The following SLC4A7 variants were observed in gnomAD, a reference collection of about 807,000 sequenced individuals.
The protein encoded by SLC4A7 is solute carrier family 4 member 7, also known as sodium bicarbonate cotransporter 3.
Under a neutral mutation model 137.6 loss-of-function variants are expected in SLC4A7, and 51 were observed. The ratio of observed to expected loss-of-function variants is 0.37; its 90% CI spans 0.30 to 0.47. The LOEUF (loss-of-function observed/expected upper bound fraction) is 0.47, where lower values mean the gene tolerates loss of function less well. SLC4A7 is among the 20% of genes least tolerant of loss of function. The probability of loss-of-function intolerance (pLI) is 1.00; values close to 1 mark genes in which losing one functional copy is unlikely to be tolerated. For synonymous variants in SLC4A7, 542 were observed against 518.6 expected, an observed-to-expected ratio of 1.05 and a Z score of -0.61; for missense variants, 1,247 against 1,525.4, an observed-to-expected ratio of 0.82 and a Z score of 3.04.
chr3:27,447,164 G>C (rs2057721441), intron 3 of SLC4A7, among the ~76,000 whole-genome samples: 1 of 151,790 alleles, frequency 6.6e-6, no homozygotes, highest in Non-Finnish European at 1.5e-5. Context: ...GCAATTGCAA[G>C]CGTGAGCCAC....
At position 27,446,897 on chromosome 3, in the gene SLC4A7, T is replaced by G. The variant is rs940911638; in HGVS notation, c.289+1754A>C. On this transcript the variant is annotated intron_variant, in intron 3 of 25. Coordinates refer to ENST00000454389, the MANE Select transcript of SLC4A7 (RefSeq NM_001321103.2). Reference sequence around the variant, plus strand: ...TTTGTTTTTTTTTGTTTTTTTTGTTTTTTTTAAACAGAGTCTCGCTCTGTC... The same window carrying G: ...TTTGTTTTTTTTTGTTTTTTTTGTTGTTTTTAAACAGAGTCTCGCTCTGTC... Among the ~76,000 whole-genome samples the G allele has an allele frequency of 9.2e-4, 93 of 101,496 alleles. 1 individual carries two copies. Among genetic ancestry groups the G allele is most frequent in the Non-Finnish European group, 8.2e-4 (41 of 49,902 alleles). 66.6% of individuals were successfully genotyped at this position (101,496 alleles called of 152,430 possible). A position where few individuals can be genotyped will look rare whatever the true frequency, so the allele number is the denominator to read the frequency against.
chr3:27,380,143 C>T (rs1215135647), intron 24 of SLC4A7, among the ~76,000 whole-genome samples: 3 of 151,954 alleles, frequency 2.0e-5, no homozygotes, highest in African/African-American at 7.2e-5. Context: ...CCCGTCTTTG[C>T]TAAAAATATA....
intron 13 of SLC4A7, among the ~76,000 whole-genome samples, chr3:27,406,761 C>G (rs937226446): frequency 1.3e-5 from 2 of 151,926 alleles, no homozygotes; most frequent in Non-Finnish European, 2.9e-5. Flanking sequence ...AAAAGCTGGT[C>G]TCTACAAAAA....
At chr3:27,377,849 G>A (rs1263566217) in intron 25 of SLC4A7, among the ~76,000 whole-genome samples, 1 of 152,140 alleles carries the variant, frequency 6.6e-6, no homozygotes, top group East Asian at 1.9e-4. Flanking sequence ...ACAAACTGAA[G>A]AATAGACCCC....
At chr3:27,420,574 A>C (rs894442186) in intron 10 of SLC4A7, 126 bp downstream of exon 10, 8 of 486,664 alleles carry the variant, frequency 1.6e-5, no homozygotes, top group African/African-American at 1.6e-4. Flanking sequence ...ATGAGATAAA[A>C]CAGTATACAC....
rs191929546 is a variant in SLC4A7 at position 27,380,826 on chromosome 3, T to C, written c.3591-1470A>G. ...TAGCCATCCAACTTGAAACTTTGCC[T>C]ACCCCGAGTAAACATTTATTCACTT... On this transcript the variant is annotated intron_variant, in intron 24 of 25. Transcript: ENST00000454389. Among the ~76,000 whole-genome samples, 8 of 152,352 alleles carry C rather than the reference T, an allele frequency of 5.3e-5. No homozygotes were observed. In the East Asian group the frequency reaches 1.5e-3, roughly 29 times the overall value.
chr3:27,416,771 AC>A (rs796666925), intron 11 of SLC4A7, among the ~76,000 whole-genome samples: 42 of 152,332 alleles, frequency 2.8e-4, no homozygotes, highest in African/African-American at 9.6e-4. Context: ...TCACCAAGAA[AC>A]ATGTAAATTA....
chr3:27,462,291 T>C (rs2058741324), intron 1 of SLC4A7, among the ~76,000 whole-genome samples: 1 of 152,188 alleles, frequency 6.6e-6, no homozygotes, highest in Non-Finnish European at 1.5e-5. Flanking sequence ...ATGACTTCTG[T>C]GTATCTACTC....
At chr3:27,402,675 G>T (rs2052895944) in intron 15 of SLC4A7, among the ~76,000 whole-genome samples, 2 of 148,616 alleles carry the variant, frequency 1.3e-5, no homozygotes, top group South Asian at 4.4e-4. Context: ...CTCCAGCCTG[G>T]GCAACAGAGA....
chr3:27,389,947 A>C lies in SLC4A7; in HGVS notation c.3344T>G (p.Val1115Gly). 6.2e-7 allele frequency: 1 copy of C among 1,613,508 alleles called. No individual in the cohort carries two copies. Among genetic ancestry groups the C allele is most frequent in the Non-Finnish European group, 8.5e-7 (1 of 1,179,618 alleles). ...AAATCTTACCATCATGGGAAAAACC[A>C]CTGCAGCAGCTGAAACTTTTATCAC... Reference protein sequence around the residue: ...LWVIKVSAAAVVFPMMVLALV... With the variant: ...LWVIKVSAAAGVFPMMVLALV... Residue 1115 changes from valine (V) to glycine (G), a missense_variant, in exon 22 of 26, where the codon GTG (valine) becomes GGG (glycine). By Grantham distance (109) the Val-to-Gly change is moderately radical (BLOSUM62 -3). Around this residue, in one of 6 missense-constraint regions of SLC4A7, gnomAD observed 290 missense variants for 323.8 expected, o/e 0.90. Coordinates refer to ENST00000454389, the MANE Select transcript of SLC4A7 (RefSeq NM_001321103.2).
intron 7 of SLC4A7, among the ~76,000 whole-genome samples, chr3:27,427,398 C>A (rs2055753504): frequency 6.6e-6 from 1 of 151,720 alleles, no homozygotes. Flanking sequence ...TCTTGACCTT[C>A]TAAAGTGCTG....
intron 17 of SLC4A7, 115 bp downstream of exon 17, chr3:27,398,077 C>T: frequency 1.4e-6 from 1 of 718,040 alleles, no homozygotes; most frequent in Non-Finnish European, 2.3e-6. Flanking sequence ...TCTTTATTAA[C>T]CAGTTGGCAT....
In SLC4A7 at chr3:27,394,653, G is replaced by A. The variant is rs749525778; in HGVS notation, c.2982C>T (p.Asn994=). The A allele has an allele frequency of 9.9e-6, 16 of 1,614,164 alleles. No individual in the cohort carries two copies. The highest frequency in any genetic ancestry group is 1.4e-5 in the Non-Finnish European group (16 of 1,180,020). ...AATVLSISHV[N]SLKVESECSA... ...AACATTCAGATTCAACTTTTAAGCT[G>A]TTGACATGACTTATTGACAACACTG... Residue 994 remains asparagine, a synonymous_variant, in exon 20 of 26, where the codon AAC becomes AAT. Coordinates refer to ENST00000454389, the MANE Select transcript of SLC4A7 (RefSeq NM_001321103.2).
chr3:27,457,908 T>C (rs2150597096), intron 1 of SLC4A7, among the ~76,000 whole-genome samples: 1 of 152,232 alleles, frequency 6.6e-6, no homozygotes, highest in African/African-American at 2.4e-5. Flanking sequence ...CTATCAGTTG[T>C]TTTTCTTGAA....
chr3:27,424,474 T>G (rs535754867), intron 7 of SLC4A7: 1 of 185,390 alleles, frequency 5.4e-6, no homozygotes, highest in South Asian at 1.8e-4. Context: ...TAAAAATACT[T>G]AGGGAATATA....
At chr3:27,472,218 T>C (rs968717216) in intron 1 of SLC4A7, among the ~76,000 whole-genome samples, 2 of 152,250 alleles carry the variant, frequency 1.3e-5, no homozygotes, top group African/African-American at 2.4e-5. Flanking sequence ...TAGCAGATGA[T>C]AGCAAATAAG....
At chr3:27,427,899 T>C (rs2055821451) in intron 7 of SLC4A7, among the ~76,000 whole-genome samples, 1 of 152,174 alleles carries the variant, frequency 6.6e-6, no homozygotes, top group Non-Finnish European at 1.5e-5. Flanking sequence ...GATTCTCAGT[T>C]AATTTATCTC....
At chr3:27,441,932 G>T (rs1487780432) in intron 3 of SLC4A7, among the ~76,000 whole-genome samples, 3 of 150,402 alleles carry the variant, frequency 2.0e-5, no homozygotes, top group Non-Finnish European at 4.4e-5. Flanking sequence ...GTCTCACTCT[G>T]TCACCCAGGC....
In SLC4A7 at chr3:27,467,224, C is replaced by T. The variant is rs9815280; in HGVS notation, c.61-14726G>A. Among the ~76,000 whole-genome samples, 363 of 152,274 alleles carry T rather than the reference C, an allele frequency of 2.4e-3. 3 individuals are homozygous for T. The highest frequency in any genetic ancestry group is 8.2e-3 in the African/African-American group (340 of 41,560). On this transcript the variant is annotated intron_variant, in intron 1 of 25. Transcript: ENST00000454389. ...TTATTTTTAATTCTCACAAAAACTC[C>T]TTATGGTAACACAGCTGATCATTAT...
Sources: gnomAD v4.1 joint callset for allele counts (sites outside exome capture counted in the v4.1 genomes callset) on GRCh38, gnomAD v4.1.1 for gene constraint, gnomAD v4.1.1 regional missense constraint, MANE v1.5 for transcripts, NCBI Gene and HGNC (gene_info 2026-07-23, HGNC 2026-07-21) for gene names.